The following ARHGEF38 variants were observed in gnomAD, a reference collection of about 807,000 sequenced individuals.
ARHGEF38 encodes the protein Rho guanine nucleotide exchange factor 38.
ARHGEF38 carries 79 observed loss-of-function variants against 79.9 expected under a neutral mutation model. That is an observed-to-expected ratio of 0.99 (90% CI 0.82 to 1.19). The LOEUF (loss-of-function observed/expected upper bound fraction) is 1.19. Among genes scored for constraint, ARHGEF38 ranks in the 50% most tolerant of loss-of-function variants. The probability of loss-of-function intolerance (pLI) is 0.00; values close to 1 mark genes in which losing one functional copy is unlikely to be tolerated. For synonymous variants in ARHGEF38, 366 were observed against 328.3 expected (o/e 1.11, Z -1.24); for missense variants, 962 against 907.2 (o/e 1.06, Z -0.78).
intron 1 of ARHGEF38, among the ~76,000 whole-genome samples, chr4:105,587,712 G>A (rs560709316): frequency 1.2e-4 from 19 of 152,140 alleles, no homozygotes; most frequent in African/African-American, 4.6e-4. Flanking sequence ...TGCCTGCCTC[G>A]GCCTCCCAAA....
intron 1 of ARHGEF38, among the ~76,000 whole-genome samples, chr4:105,582,130 A>G (rs1726823386): frequency 7.3e-6 from 1 of 137,302 alleles, no homozygotes; most frequent in Admixed American, 8.3e-5. Flanking sequence ...ATGCCACTGC[A>G]CTCCAGCCTG....
At chr4:105,553,295 C>G (rs1725088529) in intron 1 of ARHGEF38, among the ~76,000 whole-genome samples, 1 of 151,914 alleles carries the variant, frequency 6.6e-6, no homozygotes, top group Non-Finnish European at 1.5e-5. Flanking sequence ...CACTGGAAAG[C>G]AAATGAGTTA....
intron 5 of ARHGEF38, among the ~76,000 whole-genome samples, chr4:105,638,361 C>G (rs1312936617): frequency 6.6e-6 from 1 of 151,792 alleles, no homozygotes; most frequent in Non-Finnish European, 1.5e-5. Context: ...CCACTAAAAG[C>G]AAGAAAAAAA....
At chr4:105,568,730 G>C (rs2903391) in intron 1 of ARHGEF38, among the ~76,000 whole-genome samples, 132,310 of 152,268 alleles carry the variant, frequency 0.87, 57,510 homozygotes, top group South Asian at 0.93. Flanking sequence ...TGCTCAATAA[G>C]TAAGTATCAA....
chr4:105,654,285 C>G, intron 8 of ARHGEF38, 116 bp downstream of exon 8: 1 of 589,222 alleles, frequency 1.7e-6, no homozygotes, highest in Non-Finnish European at 2.7e-6. Flanking sequence ...GTTATGACAC[C>G]GGATCAAAAT....
intron 3 of ARHGEF38, among the ~76,000 whole-genome samples, chr4:105,630,623 C>T (rs943002065): frequency 6.6e-6 from 1 of 152,004 alleles, no homozygotes; most frequent in African/African-American, 2.4e-5. Flanking sequence ...TCTTTTGCTG[C>T]CCATCTCTGA....
intron 1 of ARHGEF38, among the ~76,000 whole-genome samples, chr4:105,553,674 C>G (rs1021342981): frequency 6.6e-6 from 1 of 152,188 alleles, no homozygotes; most frequent in Admixed American, 6.6e-5. Flanking sequence ...AATCTATATC[C>G]TGTCCTATCT....
intron 6 of ARHGEF38, among the ~76,000 whole-genome samples, chr4:105,646,963 A>G (rs1729868336): frequency 6.6e-6 from 1 of 152,182 alleles, no homozygotes; most frequent in Admixed American, 6.5e-5. Context: ...AAAAATAGAT[A>G]CAGATATTAT....
At position 105,679,481 on chromosome 4, in the gene ARHGEF38, C is replaced by G; in HGVS notation, c.*1544C>G. The G allele has an allele frequency of 1.9e-6, 3 of 1,572,856 alleles. No homozygotes were observed. The South Asian group carries it at 3.3e-5, about 17-fold the overall frequency. On this transcript the variant is annotated 3_prime_UTR_variant, in exon 14 of 14. Coordinates refer to ENST00000420470, the MANE Select transcript of ARHGEF38 (RefSeq NM_001242729.2). ...TTTCCAGAGTCATGGTCACAAACCC[C>G]TTATCAGAGTTGATTAAAGATCATG...
chr4:105,673,804 A>G (rs1272079279), intron 13 of ARHGEF38, among the ~76,000 whole-genome samples: 1 of 152,148 alleles, frequency 6.6e-6, no homozygotes, highest in Non-Finnish European at 1.5e-5. Flanking sequence ...AACTTTACTT[A>G]AAATTTTTTT....
chr4:105,604,867 A>T (rs1417320284), intron 2 of ARHGEF38, among the ~76,000 whole-genome samples: 1 of 152,152 alleles, frequency 6.6e-6, no homozygotes, highest in African/African-American at 2.4e-5. Context: ...GCTGACATGG[A>T]TACATTAAAA....
At chr4:105,674,890 G>T (rs1232803170) in intron 13 of ARHGEF38, among the ~76,000 whole-genome samples, 1 of 152,024 alleles carries the variant, frequency 6.6e-6, no homozygotes, top group Admixed American at 6.6e-5. Context: ...TGTTCTATTA[G>T]TAGGCAATCT....
At chr4:105,649,331 A>C (rs1220077944) in intron 7 of ARHGEF38, among the ~76,000 whole-genome samples, 1 of 152,218 alleles carries the variant, frequency 6.6e-6, no homozygotes, top group Admixed American at 6.5e-5. Context: ...ATGTGCATTA[A>C]GAATTACCTA....
chr4:105,628,094 T>C (rs1263064123), intron 3 of ARHGEF38, among the ~76,000 whole-genome samples: 3 of 152,190 alleles, frequency 2.0e-5, no homozygotes, highest in African/African-American at 7.2e-5. Flanking sequence ...ACACCACTCC[T>C]GTTAAAGAAA....
chr4:105,604,174 G>T (rs993782716), intron 2 of ARHGEF38, among the ~76,000 whole-genome samples: 1 of 152,136 alleles, frequency 6.6e-6, no homozygotes, highest in African/African-American at 2.4e-5. Flanking sequence ...CTGACTTCAT[G>T]TGTGTGGGGA....
intron 2 of ARHGEF38, among the ~76,000 whole-genome samples, chr4:105,604,382 A>G (rs1384998610): frequency 6.6e-6 from 1 of 152,116 alleles, no homozygotes; most frequent in African/African-American, 2.4e-5. Flanking sequence ...CTGTGTTACT[A>G]CTCAAGTCTA....
chr4:105,682,510 T>C (rs1731345750), downstream of ARHGEF38: 2 of 443,910 alleles, frequency 4.5e-6, no homozygotes, highest in Admixed American at 3.8e-5. Flanking sequence ...ATTCTAATCA[T>C]TGTTTTCACA....
chr4:105,582,166 A>AAAAC (rs1234449532), intron 1 of ARHGEF38, among the ~76,000 whole-genome samples: 1 of 151,002 alleles, frequency 6.6e-6, no homozygotes, highest in African/African-American at 2.4e-5. Context: ...CTCCGTCTCA[A>AAAAC]AAAAAAAAAA....
chr4:105,567,609 A>T (rs546337961), intron 1 of ARHGEF38, among the ~76,000 whole-genome samples: 4 of 152,212 alleles, frequency 2.6e-5, no homozygotes, highest in Non-Finnish European at 4.4e-5. Context: ...GATAATGGAA[A>T]ATGTTGATTT....
Sources: gnomAD v4.1 joint callset for allele counts (sites outside exome capture counted in the v4.1 genomes callset) on GRCh38, gnomAD v4.1.1 for gene constraint, MANE v1.5 for transcripts, NCBI Gene and HGNC (gene_info 2026-07-23, HGNC 2026-07-21) for gene names.